Variants in DIAPH3 observed in about 807,000 individuals in gnomAD.
DIAPH3 encodes diaphanous related formin 3, also known as protein diaphanous homolog 3.
Under a neutral mutation model 144.3 loss-of-function variants are expected in DIAPH3, and 117 were observed. The ratio of observed to expected loss-of-function variants is 0.81; its 90% CI spans 0.70 to 0.95. DIAPH3 has a LOEUF of 0.95. Among genes scored for constraint, DIAPH3 ranks in the 40% least tolerant of loss-of-function variants. The pLI is 0.00. For missense variants in DIAPH3, 1,421 were observed against 1,412.7 expected (o/e 1.01, Z -0.09); for synonymous variants, 519 against 488.9 (o/e 1.06, Z -0.81).
intron 27 of DIAPH3, among the ~76,000 whole-genome samples, chr13:59,737,296 C>T (rs923579175): frequency 1.0e-5 from 1 of 95,674 alleles, no homozygotes; most frequent in African/African-American, 3.3e-5. Flanking sequence ...ATTAAATTTA[C>T]AAAAGAAAAA....
chr13:59,854,541 T>C (rs74647394), intron 22 of DIAPH3, among the ~76,000 whole-genome samples: 5,537 of 152,262 alleles, frequency 0.036, 119 homozygotes, highest in Non-Finnish European at 0.049. Context: ...GTTTGCTCTA[T>C]CTACTGCTTA....
At chr13:60,015,426 T>C (rs951129453) in intron 7 of DIAPH3, among the ~76,000 whole-genome samples, 4 of 152,224 alleles carry the variant, frequency 2.6e-5, no homozygotes, top group Admixed American at 6.5e-5. Context: ...AATTTCATTG[T>C]AGATTTTAAA....
intron 2 of DIAPH3, among the ~76,000 whole-genome samples, chr13:60,129,640 T>A (rs2059087048): frequency 6.6e-6 from 1 of 152,200 alleles, no homozygotes; most frequent in Non-Finnish European, 1.5e-5. Context: ...GCTATTCTTA[T>A]ATGCCTCTCT....
At chr13:59,704,597 C>T (rs1192297147) in intron 27 of DIAPH3, among the ~76,000 whole-genome samples, 1 of 152,192 alleles carries the variant, frequency 6.6e-6, no homozygotes, top group Non-Finnish European at 1.5e-5. Flanking sequence ...TCCCGTAAGA[C>T]AAAACTGCAT....
At chr13:60,122,203 T>A (rs1173485448) in intron 2 of DIAPH3, among the ~76,000 whole-genome samples, 2 of 152,194 alleles carry the variant, frequency 1.3e-5, no homozygotes, top group Non-Finnish European at 1.5e-5. Context: ...GATCTAGAGA[T>A]AATGAACAAC....
chr13:59,923,529 A>G (rs1017138296), intron 18 of DIAPH3, among the ~76,000 whole-genome samples: 1 of 152,148 alleles, frequency 6.6e-6, no homozygotes. Flanking sequence ...TCTGTTAATT[A>G]TTAATTATGA....
chr13:60,044,840 G>A (rs117634835), intron 4 of DIAPH3, among the ~76,000 whole-genome samples: 2,129 of 152,128 alleles, frequency 0.014, 66 homozygotes, highest in East Asian at 0.1. Flanking sequence ...TCATGAGGAC[G>A]GTTACCTCCA....
chr13:59,893,465 G>A (rs960544756), intron 20 of DIAPH3, among the ~76,000 whole-genome samples: 1 of 152,082 alleles, frequency 6.6e-6, no homozygotes, highest in Admixed American at 6.6e-5. Flanking sequence ...ACCAGGTAAA[G>A]GTCAGTTAGT....
At chr13:59,950,529 A>G (rs573291939) in intron 17 of DIAPH3, among the ~76,000 whole-genome samples, 171 of 152,302 alleles carry the variant, frequency 1.1e-3, no homozygotes, top group African/African-American at 3.9e-3. Context: ...GTAGAATTAC[A>G]AACCAGAGCT....
chr13:59,848,012 C>A (rs554432941), intron 22 of DIAPH3, among the ~76,000 whole-genome samples: 1 of 152,088 alleles, frequency 6.6e-6, no homozygotes, highest in African/African-American at 2.4e-5. Flanking sequence ...TCTTTCATGC[C>A]GCACACATCT....
At position 59,666,506 on chromosome 13, in the gene DIAPH3, A is replaced by G. The variant is rs2032017265; in HGVS notation, c.*78T>C. 1.9e-6 allele frequency: 3 copies of G among 1,550,538 alleles called. No individual in the cohort carries two copies. On this transcript the variant is annotated 3_prime_UTR_variant, in exon 28 of 28. Coordinates refer to ENST00000400324, the MANE Select transcript of DIAPH3 (RefSeq NM_001042517.2). ...AACTATATAAAGTCACTTACATAAA[A>G]GCAATTTTTTCAAGTGTTATAGTTT... is the stretch of plus-strand genomic sequence containing the variant.
chr13:59,706,294 G>A (rs1033605729), intron 27 of DIAPH3, among the ~76,000 whole-genome samples: 5 of 152,126 alleles, frequency 3.3e-5, no homozygotes, highest in Non-Finnish European at 1.5e-5. Context: ...ATGCTGAACC[G>A]CTGGATACAG....
chr13:59,939,888 A>G (rs1185367118), intron 17 of DIAPH3, among the ~76,000 whole-genome samples: 1 of 150,936 alleles, frequency 6.6e-6, no homozygotes, highest in African/African-American at 2.4e-5. Context: ...AAGGAATCCC[A>G]CAGGAAAAAT....
intron 27 of DIAPH3, among the ~76,000 whole-genome samples, chr13:59,689,039 C>A (rs939628407): frequency 6.6e-6 from 1 of 152,000 alleles, no homozygotes; most frequent in East Asian, 1.9e-4. Context: ...ACTAGTCAAT[C>A]CCCAGGCACA....
At chr13:59,808,256 T>C (rs2139533711) in intron 25 of DIAPH3, among the ~76,000 whole-genome samples, 1 of 151,904 alleles carries the variant, frequency 6.6e-6, no homozygotes, top group East Asian at 1.9e-4. Flanking sequence ...TAAATATGAA[T>C]ACATACTGAG....
intron 25 of DIAPH3, among the ~76,000 whole-genome samples, chr13:59,806,815 T>G (rs1403279359): frequency 6.6e-6 from 1 of 151,922 alleles, no homozygotes; most frequent in Non-Finnish European, 1.5e-5. Flanking sequence ...TAACACATAT[T>G]TTTATAATAG....
chr13:59,917,889 C>CAAAAAAA (rs60792156), intron 18 of DIAPH3, among the ~76,000 whole-genome samples: 8 of 18,638 alleles, frequency 4.3e-4, no homozygotes, highest in Non-Finnish European at 6.6e-4. Context: ...GACTCTGTCT[C>CAAAAAAA]AAAAAAAAAA....
At chr13:60,042,855 C>T (rs1406599786) in intron 4 of DIAPH3, 35 bp from the exon 5 acceptor site, 31 of 1,608,226 alleles carry the variant, frequency 1.9e-5, no homozygotes, top group Non-Finnish European at 2.6e-5. Context: ...TTGATTAATA[C>T]TGCATGGAGA....
At chr13:59,773,172 C>G (rs1378274513) in intron 27 of DIAPH3, among the ~76,000 whole-genome samples, 1 of 152,126 alleles carries the variant, frequency 6.6e-6, no homozygotes, top group Non-Finnish European at 1.5e-5. Context: ...CAAAAAAGAC[C>G]TATTTAAGAG....
Sources: gnomAD v4.1 joint callset for allele counts (sites outside exome capture counted in the v4.1 genomes callset) on GRCh38, gnomAD v4.1.1 for gene constraint, MANE v1.5 for transcripts, NCBI Gene and HGNC (gene_info 2026-07-23, HGNC 2026-07-21) for gene names.